ACSF2: variants seen among roughly 807,000 people sequenced by gnomAD.
ACSF2 encodes medium-chain acyl-CoA ligase ACSF2, mitochondrial.
A neutral mutation model predicts 79.3 loss-of-function variants in ACSF2; 52 were observed. The observed-to-expected ratio is 0.66, with a 90% CI of 0.53 to 0.83. ACSF2 has a LOEUF of 0.83. Ranked by LOEUF, ACSF2 falls within the 40% of genes least tolerant of loss-of-function variation. The pLI, the probability that ACSF2 is intolerant of heterozygous loss-of-function variation, is 0.00. For missense variants in ACSF2, 661 were observed against 803.3 expected (o/e 0.82, Z 2.14); for synonymous variants, 283 against 312.6 (o/e 0.91, Z 1.00).
chr17:50,462,075 T>C, intron 4 of ACSF2, 109 bp from the exon 5 acceptor site: 1 of 847,476 alleles, frequency 1.2e-6, no homozygotes, highest in Non-Finnish European at 1.9e-6. Flanking sequence ...GAGGTGTGTG[T>C]GTCAGAAGCG....
rs2032526589 is a variant in ACSF2 at position 50,464,099 on chromosome 17, G to T, written c.1139-119G>T. On this transcript the variant is annotated intron_variant, in intron 9 of 15. Coordinates refer to ENST00000300441, the MANE Select transcript of ACSF2 (RefSeq NM_025149.6). Reference sequence around the variant, plus strand: ...AGCCCAGGGCCAGCTGCCAGGTGTAGGAAAGGCTCGGGGTCAGAGGAGAAA... The same window carrying T: ...AGCCCAGGGCCAGCTGCCAGGTGTATGAAAGGCTCGGGGTCAGAGGAGAAA... 25 of 1,312,100 alleles carry T rather than the reference G, an allele frequency of 1.9e-5. No individual in the cohort carries two copies. The South Asian group carries it at 3.0e-4, about 16-fold the overall frequency. The allele number at this position is 1,312,100 out of a possible 1,614,324, so 81.3% of individuals were successfully genotyped here.
intron 1 of ACSF2, among the ~76,000 whole-genome samples, chr17:50,449,659 C>A (rs2031545379): frequency 1.3e-5 from 2 of 152,048 alleles, no homozygotes; most frequent in South Asian, 4.2e-4. Flanking sequence ...CATGATCCAC[C>A]CGCCTCGGCC....
rs1160276375 is a variant in ACSF2, at chr17:50,471,052, A to C, written c.1240A>C (p.Ser414Arg). 4 of 1,614,096 alleles carry C rather than the reference A, an allele frequency of 2.5e-6. No homozygotes were observed. The change falls in exon 11 of 16, where the codon AGT becomes CGT. Residue 414 changes from serine to arginine, a missense_variant. Coordinates refer to ENST00000300441, the MANE Select transcript of ACSF2 (RefSeq NM_025149.6). This position sits in a 1 kb window ranked among gnomAD's most constrained non-coding sequence, Gnocchi z 4.1. The part of the protein sequence containing the change: ...LVVAYGTTEN[S>R]PVTFAHFPED... ...GGTTGCTTATGGAACCACAGAGAAC[A>C]GTCCCGTGACATTCGCGCACTTCCC...
At chr17:50,450,466 A>T (rs1421704765) in intron 1 of ACSF2, 2 of 150,426 alleles carry the variant, frequency 1.3e-5, no homozygotes, top group Admixed American at 1.3e-4. Flanking sequence ...ATGCCACTGC[A>T]CTCCAGCCTG....
chr17:50,469,560 C>T (rs2033000580), intron 10 of ACSF2, among the ~76,000 whole-genome samples: 1 of 152,218 alleles, frequency 6.6e-6, no homozygotes, highest in African/African-American at 2.4e-5. Context: ...CTTTTTCCAC[C>T]GCTGAAGGCT....
At position 50,462,434 on chromosome 17, in the gene ACSF2, C is replaced by T. The variant is rs765591411; in HGVS notation, c.641C>T (p.Thr214Ile). Residue 214 changes from threonine (T) to isoleucine (I), a missense_variant, in exon 6 of 16, where the codon ACC becomes ATC. Physicochemically the swap from Thr to Ile is moderately conservative, Grantham distance 89. Transcript: ENST00000300441. ...CCCAACCCCAGGCTCCCAGATCTGACCACAGTCATCTCGGTGGATGCCCCT... is the reference window on the plus strand; with the variant it reads ...CCCAACCCCAGGCTCCCAGATCTGATCACAGTCATCTCGGTGGATGCCCCT... ...ALKSQRLPDL[T>I]TVISVDAPLP... The T allele has an allele frequency of 6.2e-7, 1 of 1,610,336 alleles. No homozygotes were observed. Among genetic ancestry groups the T allele is most frequent in the Non-Finnish European group, 8.5e-7 (1 of 1,177,936 alleles).
intron 1 of ACSF2, among the ~76,000 whole-genome samples, chr17:50,445,457 A>T (rs1411609365): frequency 6.6e-6 from 1 of 152,140 alleles, no homozygotes; most frequent in Non-Finnish European, 1.5e-5. Context: ...GAGAGTGCTT[A>T]TCTTTTCATA....
At chr17:50,426,513 T>G in intron 1 of ACSF2, 124 bp downstream of exon 1, 2 of 1,128,504 alleles carry the variant, frequency 1.8e-6, no homozygotes, top group Non-Finnish European at 1.1e-6. Flanking sequence ...TACCCGCCCC[T>G]CCCCCGCCCC....
chr17:50,451,220 G>A (rs1447739680), intron 1 of ACSF2, among the ~76,000 whole-genome samples: 1 of 152,162 alleles, frequency 6.6e-6, no homozygotes, highest in Non-Finnish European at 1.5e-5. Context: ...TTACAGGCAT[G>A]AGCCACTGTG....
At chr17:50,427,281 T>A (rs1915081967) in intron 1 of ACSF2, among the ~76,000 whole-genome samples, 1 of 152,208 alleles carries the variant, frequency 6.6e-6, no homozygotes, top group Admixed American at 6.5e-5. Context: ...TTTGTTTTTG[T>A]TTTTAAAAAG....
intron 1 of ACSF2, among the ~76,000 whole-genome samples, chr17:50,447,633 T>C (rs1217540885): frequency 1.3e-5 from 2 of 152,180 alleles, no homozygotes; most frequent in Non-Finnish European, 2.9e-5. Context: ...TTTTTTCTTT[T>C]TTTGTTCACA....
intron 10 of ACSF2, chr17:50,468,270 C>G (rs747986628): frequency 6.2e-7 from 1 of 1,611,144 alleles, no homozygotes; most frequent in Non-Finnish European, 8.5e-7. Context: ...GAGCTCAACG[C>G]GTTTTCCGAC....
At chr17:50,442,018 T>G (rs2030957810) in intron 1 of ACSF2, among the ~76,000 whole-genome samples, 1 of 151,996 alleles carries the variant, frequency 6.6e-6, no homozygotes, top group Admixed American at 6.6e-5. Flanking sequence ...AAAAACATTT[T>G]TTTTGGCTGG....
chr17:50,453,604 CT>C (rs1172904808), intron 1 of ACSF2, among the ~76,000 whole-genome samples: 3 of 152,208 alleles, frequency 2.0e-5, no homozygotes, highest in Non-Finnish European at 4.4e-5. Context: ...GGTTGTGTGT[CT>C]TGACTATTAT....
At chr17:50,461,927 G>GGTGTGT (rs35178435) in intron 4 of ACSF2, among the ~76,000 whole-genome samples, 28,118 of 148,080 alleles carry the variant, frequency 0.19, 2,780 homozygotes, top group Middle Eastern at 0.28. Flanking sequence ...TCAGGGCAGA[G>GGTGTGT]GTGTGTGTGT....
chr17:50,460,375 C>G (rs901499314), intron 1 of ACSF2: 5 of 478,364 alleles, frequency 1.0e-5, no homozygotes, highest in Non-Finnish European at 1.6e-5. Context: ...TAAGATCTGT[C>G]TGTCTGCACA....
chr17:50,436,369 T>C (rs1392389285), intron 1 of ACSF2, among the ~76,000 whole-genome samples: 1 of 152,160 alleles, frequency 6.6e-6, no homozygotes, highest in East Asian at 1.9e-4. Context: ...GACCTTGTGA[T>C]CCACCTGCCT....
At chr17:50,428,287 T>TC (rs1915194695) in intron 1 of ACSF2, among the ~76,000 whole-genome samples, 12 of 151,056 alleles carry the variant, frequency 7.9e-5, no homozygotes, top group African/African-American at 2.9e-4. Flanking sequence ...GGAGACCGGT[T>TC]TGGCCAACAT....
chr17:50,468,294 G>A (rs146207513), intron 10 of ACSF2: 1 of 1,613,602 alleles, frequency 6.2e-7, no homozygotes, highest in African/African-American at 1.3e-5. Flanking sequence ...TAGAGCCAGC[G>A]CAGGTCCTTG....
Sources: allele counts gnomAD v4.1 joint callset (sites outside exome capture counted in the v4.1 genomes callset), GRCh38; gene constraint gnomAD v4.1.1; non-coding constraint Gnocchi (gnomAD v3.1); transcripts MANE v1.5; gene names NCBI Gene and HGNC (gene_info 2026-07-23, HGNC 2026-07-21).